Variants in AK4 observed in about 807,000 individuals in gnomAD.
AK4 encodes adenylate kinase 4.
A neutral mutation model predicts 24.6 loss-of-function variants in AK4; 13 were observed. That is an observed-to-expected ratio of 0.53 (90% CI 0.34 to 0.84). AK4 has a LOEUF of 0.84. Ranked by LOEUF, AK4 falls within the 40% of genes least tolerant of loss-of-function variation. The probability of loss-of-function intolerance (pLI) is 0.01; values close to 1 mark genes in which losing one functional copy is unlikely to be tolerated. For synonymous variants in AK4, 88 were observed against 107.0 expected (o/e 0.82, Z 1.10); for missense variants, 192 against 288.2 (o/e 0.67, Z 2.42).
At position 65,173,505 on chromosome 1, in the gene AK4, T is replaced by G. The variant is rs1346488674; in HGVS notation, c.146-17205T>G. Among the ~76,000 whole-genome samples the G allele has an allele frequency of 3.9e-5, 6 of 152,204 alleles. No individual in the cohort carries two copies. The East Asian group carries it at 9.6e-4, about 24-fold the overall frequency. On this transcript the variant is annotated intron_variant, in intron 1 of 4. Transcript: ENST00000327299. Reference sequence around the variant, plus strand: ...ATACTTCCCTGTAATTTTTCACTTCTGCGTTTCAGTCTTTCCTTGGAAAGG... The same window carrying G: ...ATACTTCCCTGTAATTTTTCACTTCGGCGTTTCAGTCTTTCCTTGGAAAGG...
intron 1 of AK4, chr1:65,154,376 A>G: frequency 2.8e-6 from 1 of 354,706 alleles, no homozygotes; most frequent in Non-Finnish European, 5.8e-6. Context: ...TCTTTTGTGG[A>G]ACATTTGGGT....
chr1:65,155,835 T>A (rs886774212), intron 1 of AK4, among the ~76,000 whole-genome samples: 3 of 148,776 alleles, frequency 2.0e-5, no homozygotes, highest in African/African-American at 7.7e-5. Context: ...ATGCCTGGCT[T>A]AATTTTTTGT....
chr1:65,186,467 A>G (rs746883921), intron 1 of AK4, among the ~76,000 whole-genome samples: 15 of 150,404 alleles, frequency 1.0e-4, no homozygotes, highest in Non-Finnish European at 1.8e-4. Context: ...TATATGCCAG[A>G]CTATATTTTA....
chr1:65,209,303 A>G (rs779736959), intron 2 of AK4, among the ~76,000 whole-genome samples: 1 of 152,224 alleles, frequency 6.6e-6, no homozygotes, highest in South Asian at 2.1e-4. Flanking sequence ...TCAACAATTA[A>G]TGGAATATAT....
chr1:65,229,604 TAAGAA>T lies in AK4; in HGVS notation c.*3434_*3438del, dbSNP rs1269233550. 1 of 152,054 alleles carries T rather than the reference TAAGAA, an allele frequency of 6.6e-6. No individual in the cohort carries two copies. Among genetic ancestry groups the T allele is most frequent in the Non-Finnish European group, 1.5e-5 (1 of 68,012 alleles). 9.4% of individuals were successfully genotyped at this position (152,054 alleles called of 1,614,324 possible). On this transcript the variant is annotated 3_prime_UTR_variant, in exon 5 of 5. Transcript: ENST00000327299. ...TTTATGACATTCCTTTTTCTTAGCTTAAGAAAAGAAAGCTGCTAGATGAGAGTCTT... is the reference window on the plus strand; with the variant it reads ...TTTATGACATTCCTTTTTCTTAGCTTAAGAAAGCTGCTAGATGAGAGTCTT...
intron 1 of AK4, among the ~76,000 whole-genome samples, 184 bp downstream of exon 1, chr1:65,148,736 CGAGGCTCCAGGGGCGGCCGGTGGGA>C (rs1360209700): frequency 6.6e-6 from 1 of 151,904 alleles, no homozygotes; most frequent in Non-Finnish European, 1.5e-5. Context: ...GGGAGGAGGC[CGAGGCTCCAGGGGCGGCCGGTGGGA>C]GGTGCCCACG....
intron 1 of AK4, among the ~76,000 whole-genome samples, chr1:65,176,486 C>T (rs1278496856): frequency 3.3e-5 from 5 of 152,160 alleles, no homozygotes; most frequent in Non-Finnish European, 7.3e-5. Flanking sequence ...CCACCTCTCA[C>T]GTTTAGAACG....
intron 2 of AK4, among the ~76,000 whole-genome samples, chr1:65,206,471 G>A (rs35211864): frequency 0.048 from 7,261 of 152,308 alleles, 334 homozygotes; most frequent in African/African-American, 0.11. Flanking sequence ...CAAGCAGGCC[G>A]GACGCGGTGG....
intron 2 of AK4, among the ~76,000 whole-genome samples, chr1:65,217,261 G>A (rs1652159878): frequency 1.3e-5 from 2 of 152,162 alleles, no homozygotes. Flanking sequence ...GGGTTTCAAT[G>A]CAGTGCTGCA....
At chr1:65,182,103 TG>T (rs1330990008) in intron 1 of AK4, among the ~76,000 whole-genome samples, 1 of 152,076 alleles carries the variant, frequency 6.6e-6, no homozygotes, top group East Asian at 1.9e-4. Flanking sequence ...TTTATAGAGA[TG>T]GGGTCTTGTT....
chr1:65,210,217 A>C (rs146114782), intron 2 of AK4, among the ~76,000 whole-genome samples: 4 of 151,982 alleles, frequency 2.6e-5, no homozygotes, highest in African/African-American at 9.7e-5. Context: ...GTGACACAGC[A>C]CCCCAAACTT....
intron 1 of AK4, among the ~76,000 whole-genome samples, chr1:65,189,342 A>G (rs943726215): frequency 4.2e-5 from 6 of 143,816 alleles, no homozygotes. Context: ...GCAATGGCTC[A>G]ATCTCGGCTC....
intron 2 of AK4, among the ~76,000 whole-genome samples, chr1:65,204,223 T>G (rs1651748377): frequency 6.6e-6 from 1 of 150,584 alleles, no homozygotes; most frequent in African/African-American, 2.4e-5. Context: ...TTTTTTGACA[T>G]GGAGTCTCGC....
intron 2 of AK4, among the ~76,000 whole-genome samples, chr1:65,211,221 C>A (rs996761645): frequency 6.8e-6 from 1 of 147,760 alleles, no homozygotes; most frequent in Non-Finnish European, 1.5e-5. Context: ...CCTGTCTCTG[C>A]AGAAGAGAAT....
At chr1:65,186,346 C>G (rs1335228761) in intron 1 of AK4, among the ~76,000 whole-genome samples, 1 of 152,122 alleles carries the variant, frequency 6.6e-6, no homozygotes, top group Non-Finnish European at 1.5e-5. Flanking sequence ...CCAGGCTGGT[C>G]TCAAACTCCT....
At chr1:65,201,310 C>T (rs2101056934) in intron 2 of AK4, among the ~76,000 whole-genome samples, 1 of 152,230 alleles carries the variant, frequency 6.6e-6, no homozygotes, top group East Asian at 1.9e-4. Context: ...GCGTTCGTGT[C>T]CTCCATGTCC....
At chr1:65,202,889 T>TTTTTG (rs781312203) in intron 2 of AK4, among the ~76,000 whole-genome samples, 1 of 133,166 alleles carries the variant, frequency 7.5e-6, no homozygotes, top group African/African-American at 2.9e-5. Context: ...TTTTTTTTTT[T>TTTTTG]AAGATGGGGT....
At chr1:65,153,352 C>T (rs560540232) in intron 1 of AK4, among the ~76,000 whole-genome samples, 36 of 152,210 alleles carry the variant, frequency 2.4e-4, no homozygotes, top group Non-Finnish European at 4.1e-4. Context: ...TTACTGTGGC[C>T]TTGATTTCCC....
intron 1 of AK4, among the ~76,000 whole-genome samples, chr1:65,160,816 C>G (rs1456723034): frequency 6.6e-6 from 1 of 152,118 alleles, no homozygotes; most frequent in Non-Finnish European, 1.5e-5. Context: ...GCTGGTCTTG[C>G]ATTTCTGGCC....
Sources: allele counts gnomAD v4.1 joint callset (sites outside exome capture counted in the v4.1 genomes callset), GRCh38; gene constraint gnomAD v4.1.1; transcripts MANE v1.5; gene names NCBI Gene and HGNC (gene_info 2026-07-23, HGNC 2026-07-21).